Variants in VDAC3 observed in about 807,000 individuals in gnomAD.
VDAC3 encodes the protein voltage dependent anion channel 3.
Under a neutral mutation model 33.9 loss-of-function variants are expected in VDAC3, and 7 were observed. The ratio of observed to expected loss-of-function variants is 0.21; its 90% CI spans 0.12 to 0.39. VDAC3 has a LOEUF of 0.39. Among genes scored for constraint, VDAC3 ranks in the 10% least tolerant of loss-of-function variants. VDAC3 has a pLI of 1.00. For synonymous variants in VDAC3, 100 were observed against 122.4 expected (o/e 0.82, Z 1.21); for missense variants, 261 against 334.5 (o/e 0.78, Z 1.71).
intron 7 of VDAC3, chr8:42,402,955 T>C (rs1401353846): frequency 5.2e-6 from 1 of 190,926 alleles, no homozygotes; most frequent in Non-Finnish European, 1.1e-5. Context: ...TTTTGCAGAA[T>C]CTTTATTGAA....
intron 5 of VDAC3, 71 bp downstream of exon 5, chr8:42,398,935 A>G (rs1802368172): frequency 1.3e-6 from 2 of 1,548,652 alleles, no homozygotes; most frequent in Admixed American, 1.8e-5. Flanking sequence ...ACATACCCCA[A>G]ATATAATCAA....
Position 42,399,768 on chromosome 8 carries a change from T to C in VDAC3, c.323+65T>C. On this transcript the variant is annotated intron_variant, in intron 6 of 9. Transcript: ENST00000022615. ...CCTGAAAGGGTAGAGAGCTTTAGAATAAGGAGATATAGTGCAAAGTTCAGA... is the reference window on the plus strand; with the variant it reads ...CCTGAAAGGGTAGAGAGCTTTAGAACAAGGAGATATAGTGCAAAGTTCAGA... 7.4e-6 allele frequency: 11 copies of C among 1,481,738 alleles called. No homozygotes were observed. The South Asian group carries it at 1.2e-4, about 16-fold the overall frequency. 91.8% of individuals were successfully genotyped at this position (1,481,738 alleles called of 1,614,324 possible). A position where few individuals can be genotyped will look rare whatever the true frequency, so the allele number is the denominator to read the frequency against.
At chr8:42,394,341 G>T in intron 3 of VDAC3, 63 bp downstream of exon 3, 4 of 1,345,178 alleles carry the variant, frequency 3.0e-6, no homozygotes, top group Non-Finnish European at 4.2e-6. Context: ...CCTACTGTGT[G>T]TAAATACTGT....
At chr8:42,402,863 G>A (rs1019758134) in intron 7 of VDAC3, among the ~76,000 whole-genome samples, 2 of 152,144 alleles carry the variant, frequency 1.3e-5, no homozygotes, top group African/African-American at 4.8e-5. Context: ...AGGTATCGTA[G>A]GAGGGTGCTT....
At chr8:42,404,768 G>T in intron 8 of VDAC3, 99 bp from the exon 9 acceptor site, 2 of 960,850 alleles carry the variant, frequency 2.1e-6, no homozygotes, top group Non-Finnish European at 3.1e-6. Context: ...TGGCCCTAGG[G>T]TGCTTTTAGC....
chr8:42,401,864 T>C lies in VDAC3; in HGVS notation c.400T>C (p.Ser134Pro), dbSNP rs1422885110. 5 of 1,614,120 alleles carry C rather than the reference T, an allele frequency of 3.1e-6. No individual in the cohort carries two copies. Among genetic ancestry groups the C allele is most frequent in the Non-Finnish European group, 4.2e-6 (5 of 1,180,050 alleles). ...TGGCAGTAATGTTGATATAGATTTT[T>C]CTGGACCAACCATCTATGGCTGGGC... ...SVGSNVDIDFSGPTIYGWAVL... is the reference protein window; with the variant it reads ...SVGSNVDIDFPGPTIYGWAVL... The change falls in exon 7 of 10, where the codon TCT (serine) becomes CCT (proline). Residue 134 changes from serine to proline, a missense_variant. Coordinates refer to ENST00000022615, the MANE Select transcript of VDAC3 (RefSeq NM_005662.7).
Position 42,399,697 on chromosome 8 carries a change from A to T in VDAC3, c.317A>T (p.Asn106Ile). The change falls in exon 6 of 10, where the codon AAC (asparagine) becomes ATC (isoleucine). Residue 106 changes from asparagine to isoleucine, a missense_variant. Asn to Ile is a moderately radical substitution (Grantham distance 149). Coordinates refer to ENST00000022615, the MANE Select transcript of VDAC3 (RefSeq NM_005662.7). The stretch of plus-strand genomic sequence containing the variant: ...ACTCTTGATACCATATTTGTACCGA[A>T]CACAGGGTAATTATTCAAATCCCAT... ...KLTLDTIFVPNTGKKSGKLKA... is the reference protein window; with the variant it reads ...KLTLDTIFVPITGKKSGKLKA... The T allele has an allele frequency of 6.2e-7, 1 of 1,612,008 alleles. No homozygotes were observed. The highest frequency in any genetic ancestry group is 8.5e-7 in the Non-Finnish European group (1 of 1,178,782).
intron 1 of VDAC3, among the ~76,000 whole-genome samples, 151 bp downstream of exon 1, chr8:42,392,079 C>G (rs1306905764): frequency 6.6e-6 from 1 of 152,112 alleles, no homozygotes; most frequent in Non-Finnish European, 1.5e-5. Context: ...CTCGCTCCCG[C>G]CGGGACCCGC....
chr8:42,398,336 A>G (rs377179686), intron 4 of VDAC3, among the ~76,000 whole-genome samples: 1 of 152,080 alleles, frequency 6.6e-6, no homozygotes, highest in African/African-American at 2.4e-5. Flanking sequence ...GCTCACTGCA[A>G]CCTCTGCCTC....
intron 1 of VDAC3, among the ~76,000 whole-genome samples, chr8:42,392,714 A>T (rs1301594828): frequency 2.0e-5 from 3 of 152,242 alleles, no homozygotes; most frequent in Non-Finnish European, 4.4e-5. Context: ...TAGTCCCTAG[A>T]CGTATATATA....
chr8:42,394,487 G>T (rs1356094733), intron 3 of VDAC3, among the ~76,000 whole-genome samples: 2 of 152,136 alleles, frequency 1.3e-5, no homozygotes, highest in African/African-American at 2.4e-5. Flanking sequence ...TACATATACA[G>T]ATGCATATAC....
Position 42,398,791 on chromosome 8 carries a change from A to T in VDAC3, c.197A>T (p.Asn66Ile). 2 of 1,614,030 alleles carry T rather than the reference A, an allele frequency of 1.2e-6. No individual in the cohort carries two copies. The highest frequency in any genetic ancestry group is 1.7e-6 in the Non-Finnish European group (2 of 1,179,994). ...CTAGAAACCAAATATAAGGTCTGTA[A>T]CTATGGACTTACCTTCACCCAGAAA... is the stretch of plus-strand genomic sequence containing the variant. The part of the protein sequence containing the change: ...GNLETKYKVC[N>I]YGLTFTQKWN... The change falls in exon 5 of 10, where the codon AAC (asparagine) becomes ATC (isoleucine). Residue 66 changes from asparagine (N) to isoleucine (I), a missense_variant. Transcript: ENST00000022615.
At chr8:42,399,991 A>G (rs1351614450) in intron 6 of VDAC3, among the ~76,000 whole-genome samples, 1 of 152,224 alleles carries the variant, frequency 6.6e-6, no homozygotes, top group Non-Finnish European at 1.5e-5. Flanking sequence ...GAGACCATAG[A>G]TGAATCTTAA....
At chr8:42,395,208 A>C in intron 4 of VDAC3, 75 bp downstream of exon 4, 1 of 1,587,916 alleles carries the variant, frequency 6.3e-7, no homozygotes, top group Non-Finnish European at 8.6e-7. Context: ...ATGACAGTCT[A>C]GTTACTTGAA....
chr8:42,398,995 C>T, intron 5 of VDAC3, 131 bp downstream of exon 5: 2 of 991,588 alleles, frequency 2.0e-6, no homozygotes, highest in East Asian at 2.7e-5. Flanking sequence ...CTGCATGTGG[C>T]CTTTTTTGAT....
intron 4 of VDAC3, among the ~76,000 whole-genome samples, chr8:42,397,870 G>T (rs373573810): frequency 6.6e-6 from 1 of 152,186 alleles, no homozygotes; most frequent in Non-Finnish European, 1.5e-5. Context: ...TCACAGCAGT[G>T]TGACTGTACT....
intron 4 of VDAC3, chr8:42,396,947 CTG>C (rs1386053958): frequency 1.5e-5 from 6 of 407,342 alleles, no homozygotes; most frequent in Non-Finnish European, 2.2e-5. Flanking sequence ...ACAAACTGAA[CTG>C]TGAATCGTGA....
At chr8:42,401,237 G>A (rs1319073066) in intron 6 of VDAC3, among the ~76,000 whole-genome samples, 2 of 151,552 alleles carry the variant, frequency 1.3e-5, no homozygotes, top group East Asian at 2.0e-4. Flanking sequence ...TCGCTCTGTC[G>A]CCAGGCTGGA....
chr8:42,403,565 T>A lies in VDAC3; in HGVS notation c.702+104T>A, dbSNP rs374229063. The A allele has an allele frequency of 4.0e-6, 5 of 1,238,504 alleles. No homozygotes were observed. The African/African-American group carries it at 7.6e-5, about 19-fold the overall frequency. 76.7% of individuals were successfully genotyped at this position (1,238,504 alleles called of 1,614,324 possible). On this transcript the variant is annotated intron_variant, in intron 8 of 9. Transcript: ENST00000022615. ...TTTGCTTGTTCTTTATTAATTTTAA[T>A]AAGCCAGCTCATTGTGTAGTGAAAG...
Sources: gnomAD v4.1 joint callset for allele counts (sites outside exome capture counted in the v4.1 genomes callset) on GRCh38, gnomAD v4.1.1 for gene constraint, MANE v1.5 for transcripts, NCBI Gene and HGNC (gene_info 2026-07-23, HGNC 2026-07-21) for gene names.